Variants in WDR7 observed in about 807,000 individuals in gnomAD.
WDR7 encodes the protein WD repeat domain 7.
WDR7 carries 46 observed loss-of-function variants against 169.4 expected under a neutral mutation model. The observed-to-expected ratio is 0.27, with a 90% confidence interval of 0.21 to 0.35. The LOEUF (loss-of-function observed/expected upper bound fraction) is 0.35. Among genes scored for constraint, WDR7 ranks in the 10% least tolerant of loss-of-function variants. The pLI is 1.00. For synonymous variants in WDR7, 612 were observed against 666.8 expected (o/e 0.92, Z 1.27); for missense variants, 1,534 against 1,859.3 (o/e 0.83, Z 3.22).
At position 56,974,362 on chromosome 18, in the gene WDR7, C is replaced by CCTT. The variant is rs754053234; in HGVS notation, c.4164+11833_4164+11834insCTT. On this transcript the variant is annotated intron_variant, in intron 26 of 27. Transcript: ENST00000254442. ...CCTTTTCCTTTCTTTGCTTTTCTTG[C>CCTT]TTTTTTTTTTTTTTTTTTTGAGATG... 2.1e-4 allele frequency among the ~76,000 whole-genome samples: 23 copies of CCTT among 111,810 alleles called. 1 individual carries two copies. The highest frequency in any genetic ancestry group is 4.9e-4 in the East Asian group (2 of 4,106). 73.4% of individuals were successfully genotyped at this position (111,810 alleles called of 152,430 possible). A position where few individuals can be genotyped will look rare whatever the true frequency, so the allele number is the denominator to read the frequency against.
At chr18:56,656,748 C>T (rs187106260) in intron 1 of WDR7, among the ~76,000 whole-genome samples, 7 of 152,118 alleles carry the variant, frequency 4.6e-5, no homozygotes, top group Admixed American at 1.3e-4. Flanking sequence ...TTATTCTTTC[C>T]TATGTATTTT....
chr18:56,720,313 G>T (rs969478701), intron 13 of WDR7, among the ~76,000 whole-genome samples: 2 of 151,256 alleles, frequency 1.3e-5, no homozygotes, highest in Admixed American at 1.3e-4. Flanking sequence ...AGCTGGGTGT[G>T]GGGGCACATG....
At chr18:56,868,490 A>C (rs1407689597) in intron 20 of WDR7, among the ~76,000 whole-genome samples, 1 of 152,164 alleles carries the variant, frequency 6.6e-6, no homozygotes, top group Non-Finnish European at 1.5e-5. Flanking sequence ...GCTGAAATGC[A>C]CAGATATAAA....
chr18:56,948,197 A>G (rs1251003571), intron 25 of WDR7, among the ~76,000 whole-genome samples: 3 of 152,170 alleles, frequency 2.0e-5, no homozygotes, highest in Non-Finnish European at 4.4e-5. Flanking sequence ...ACTGCACATT[A>G]TAAGTAGCTT....
At chr18:56,816,616 A>G (rs527693571) in intron 20 of WDR7, among the ~76,000 whole-genome samples, 3 of 152,344 alleles carry the variant, frequency 2.0e-5, no homozygotes, top group South Asian at 2.1e-4. Context: ...GCCACTGAAC[A>G]TTCTTATCTG....
intron 14 of WDR7, among the ~76,000 whole-genome samples, chr18:56,741,712 T>A (rs1267105689): frequency 6.6e-6 from 1 of 152,188 alleles, no homozygotes; most frequent in African/African-American, 2.4e-5. Flanking sequence ...AGGAAATGAG[T>A]TTTAGGTTAC....
At chr18:56,914,702 CT>C (rs1446180482) in intron 21 of WDR7, among the ~76,000 whole-genome samples, 5 of 152,098 alleles carry the variant, frequency 3.3e-5, no homozygotes, top group Non-Finnish European at 7.4e-5. Context: ...TTATTTACTT[CT>C]TTATTGCTGA....
At chr18:56,675,591 A>G (rs534787246) in intron 2 of WDR7, among the ~76,000 whole-genome samples, 10 of 151,390 alleles carry the variant, frequency 6.6e-5, no homozygotes, top group South Asian at 6.3e-4. Flanking sequence ...TATTACTTCT[A>G]ATAGTTTTTT....
chr18:56,806,449 T>G (rs2044774875), intron 19 of WDR7, among the ~76,000 whole-genome samples: 1 of 152,108 alleles, frequency 6.6e-6, no homozygotes, highest in African/African-American at 2.4e-5. Context: ...CTGTAAAACA[T>G]GTGGACATGT....
chr18:56,709,082 A>G (rs925954688), intron 12 of WDR7, among the ~76,000 whole-genome samples: 1 of 152,222 alleles, frequency 6.6e-6, no homozygotes, highest in Non-Finnish European at 1.5e-5. Context: ...GTGAAAAATA[A>G]AGTAAGTTCA....
chr18:56,962,393 CTTGTTT>C, intron 25 of WDR7, 31 bp from the exon 26 acceptor site: 2 of 1,597,120 alleles, frequency 1.3e-6, no homozygotes, highest in African/African-American at 2.7e-5. Flanking sequence ...CACCTGGCTT[CTTGTTT>C]TTGTTTTTGT....
chr18:56,875,722 A>G (rs1008540467), intron 20 of WDR7, among the ~76,000 whole-genome samples: 2 of 152,214 alleles, frequency 1.3e-5, no homozygotes, highest in African/African-American at 4.8e-5. Flanking sequence ...CACATTTCCA[A>G]TGCCTGTTTA....
chr18:56,856,799 G>A (rs184018552), intron 20 of WDR7, among the ~76,000 whole-genome samples: 18 of 152,048 alleles, frequency 1.2e-4, no homozygotes, highest in East Asian at 5.8e-4. Flanking sequence ...CCATTTTACC[G>A]TCCTCCTGCC....
chr18:56,689,380 C>T (rs2025516113), intron 7 of WDR7, among the ~76,000 whole-genome samples: 1 of 152,196 alleles, frequency 6.6e-6, no homozygotes, highest in Non-Finnish European at 1.5e-5. Flanking sequence ...CCTGCCTCAG[C>T]CTCCCAAGTA....
chr18:56,987,311 A>AAAT (rs34593974), intron 26 of WDR7, among the ~76,000 whole-genome samples: 1 of 133,992 alleles, frequency 7.5e-6, no homozygotes, highest in Admixed American at 7.6e-5. Flanking sequence ...AAAAAAAAAA[A>AAAT]GGTGAGGTTT....
intron 13 of WDR7, among the ~76,000 whole-genome samples, chr18:56,728,116 T>C (rs2026500846): frequency 6.6e-6 from 1 of 152,194 alleles, no homozygotes; most frequent in Non-Finnish European, 1.5e-5. Context: ...AGAAAATCAC[T>C]GACATTTTTC....
In WDR7 at chr18:56,927,963, A is replaced by G. The variant is rs143852165; in HGVS notation, c.3713+3855A>G. ...ATAGTGAAATGAATCACCCTGGGTAACCAGAGGGGATGCAAGGAGGGGTTT... is the reference window on the plus strand; with the variant it reads ...ATAGTGAAATGAATCACCCTGGGTAGCCAGAGGGGATGCAAGGAGGGGTTT... On this transcript the variant is annotated intron_variant, in intron 22 of 27. Transcript: ENST00000254442. 2.1e-4 allele frequency among the ~76,000 whole-genome samples: 32 copies of G among 152,316 alleles called. No homozygotes were observed. The East Asian group carries it at 6.2e-3, about 29-fold the overall frequency.
chr18:56,661,614 T>G (rs1353338674), intron 1 of WDR7, among the ~76,000 whole-genome samples: 2 of 152,152 alleles, frequency 1.3e-5, no homozygotes, highest in Non-Finnish European at 2.9e-5. Context: ...AGTCCTAAAG[T>G]GTCAGGCTCA....
chr18:57,017,532 C>T (rs1051199103), intron 26 of WDR7, among the ~76,000 whole-genome samples: 1 of 141,892 alleles, frequency 7.0e-6, no homozygotes, highest in Admixed American at 7.1e-5. Context: ...ATGTTCTGAT[C>T]CAAGATGTAG....
Sources: allele counts gnomAD v4.1 joint callset (sites outside exome capture counted in the v4.1 genomes callset), GRCh38; gene constraint gnomAD v4.1.1; transcripts MANE v1.5; gene names NCBI Gene and HGNC (gene_info 2026-07-23, HGNC 2026-07-21).